ZFP64: variants seen among roughly 807,000 people sequenced by gnomAD.
ZFP64 encodes the protein zinc finger protein 64.
In ZFP64, 14 loss-of-function variants were observed where a neutral mutation model predicts 51.6. The ratio of observed to expected loss-of-function variants is 0.27; its 90% CI spans 0.18 to 0.42. The LOEUF is 0.42. Among genes scored for constraint, ZFP64 ranks in the 10% least tolerant of loss-of-function variants. The pLI is 1.00. For missense variants in ZFP64, 754 were observed against 906.8 expected (o/e 0.83, Z 2.16); for synonymous variants, 375 against 361.4 (o/e 1.04, Z -0.43).
intron 2 of ZFP64, chr20:52,176,145 T>TA (rs1272800000): frequency 1.1e-5 from 2 of 177,826 alleles, no homozygotes; most frequent in Non-Finnish European, 2.2e-5. Flanking sequence ...CGGCTGCCGT[T>TA]AAAGTCCCAA....
chr20:52,098,344 G>A, intron 6 of ZFP64: 2 of 1,533,804 alleles, frequency 1.3e-6, no homozygotes, highest in Non-Finnish European at 1.8e-6. Flanking sequence ...CAGCAAACAA[G>A]AGTAACATGA....
chr20:52,168,935 C>A (rs987050213), intron 2 of ZFP64, among the ~76,000 whole-genome samples: 9 of 152,198 alleles, frequency 5.9e-5, no homozygotes, highest in Admixed American at 5.9e-4. Context: ...ACATGCACAG[C>A]AAGGTAATGT....
chr20:52,099,005 CAAA>C (rs58670484), intron 5 of ZFP64, among the ~76,000 whole-genome samples: 6 of 116,632 alleles, frequency 5.1e-5, no homozygotes, highest in East Asian at 2.7e-4. Context: ...CTGTCTTTAC[CAAA>C]AAAAAAAAAA....
intron 5 of ZFP64, among the ~76,000 whole-genome samples, chr20:52,142,377 G>GACACACACACACACACGCACGC (rs749072185): frequency 8.4e-6 from 1 of 118,370 alleles, no homozygotes; most frequent in Non-Finnish European, 1.8e-5. Context: ...CACACACACA[G>GACACACACACACACACGCACGC]ACACACACAC....
chr20:52,109,735 C>T (rs571930203), intron 5 of ZFP64, among the ~76,000 whole-genome samples: 265 of 142,948 alleles, frequency 1.9e-3, no homozygotes, highest in African/African-American at 6.9e-3. Flanking sequence ...GAGCTGAGAT[C>T]GTGCCACTGT....
Position 52,165,996 on chromosome 20 carries a change from C to T in ZFP64, c.316G>A (p.Gly106Ser). The change falls in exon 3 of 6, where the codon GGC becomes AGC. Residue 106 changes from glycine to serine, a missense_variant. Physicochemically the swap from Gly to Ser is moderately conservative, Grantham distance 56 (BLOSUM62 0). Transcript: ENST00000216923. Reference protein sequence around the residue: ...VSAPEFVFEHGYQTYLPTESN... With the variant: ...VSAPEFVFEHSYQTYLPTESN... ...TCCGTGGGCAGGTAAGTTTGATAGC[C>T]ATGTTCAAAAACAAATTCTGGAGCT... 1 of 1,607,674 alleles carries T rather than the reference C, an allele frequency of 6.2e-7. No homozygotes were observed. Among genetic ancestry groups the T allele is most frequent in the Non-Finnish European group, 8.5e-7 (1 of 1,178,594 alleles).
chr20:52,152,505 C>T lies in ZFP64; in HGVS notation c.1687G>A (p.Ala563Thr), dbSNP rs758754357. 4 of 1,606,100 alleles carry T rather than the reference C, an allele frequency of 2.5e-6. No individual in the cohort carries two copies. The African/African-American group carries it at 4.0e-5, about 16-fold the overall frequency. Residue 563 changes from alanine to threonine, a missense_variant, in exon 6 of 6, where the codon GCA becomes ACA. By Grantham distance (58) the Ala-to-Thr change is moderately conservative. Transcript: ENST00000216923. ...QSSRCPSEAG[A>T]MTQPAVLLTT... ...AGCAGGACAGCCGGCTGGGTCATTG[C>T]GCCCGCCTCGCTCGGACACCGCGAG...
intron 3 of ZFP64, chr20:52,165,222 G>T (rs1033398465): frequency 6.6e-6 from 3 of 456,630 alleles, no homozygotes; most frequent in Non-Finnish European, 1.3e-5. Flanking sequence ...ACTAAGGTCA[G>T]TAGGTTAGAT....
intron 5 of ZFP64, among the ~76,000 whole-genome samples, chr20:52,133,795 G>A (rs1237687591): frequency 1.3e-5 from 2 of 152,072 alleles, no homozygotes; most frequent in African/African-American, 2.4e-5. Context: ...CACTCTGGCA[G>A]GCCGGGGTAG....
chr20:52,089,122 C>G (rs1047335080), intron 7 of ZFP64: 2 of 475,784 alleles, frequency 4.2e-6, no homozygotes, highest in South Asian at 3.1e-5. Context: ...CCAGGGACAG[C>G]AGAAGACCAC....
chr20:52,130,452 G>A (rs866992927), intron 5 of ZFP64, among the ~76,000 whole-genome samples: 19 of 152,124 alleles, frequency 1.2e-4, no homozygotes, highest in Middle Eastern at 3.4e-3. Flanking sequence ...AGCCTCAAGC[G>A]ATGCTCCTGC....
At chr20:52,105,502 AC>A in intron 5 of ZFP64, 1 of 437,920 alleles carries the variant, frequency 2.3e-6, no homozygotes, top group Non-Finnish European at 3.7e-6. Context: ...CTCGGGCTCT[AC>A]CCCAGACCCG....
Position 52,160,392 on chromosome 20 carries a change from C to T in ZFP64, c.512-18G>A. 1.9e-6 allele frequency: 3 copies of T among 1,585,132 alleles called. No homozygotes were observed. Among genetic ancestry groups the T allele is most frequent in the Non-Finnish European group, 2.6e-6 (3 of 1,163,838 alleles). ...TTTGTCTCCTTCAAACACATACACACACAGATGGCAGCAGGAAACAAGATT... is the reference window on the plus strand; with the variant it reads ...TTTGTCTCCTTCAAACACATACACATACAGATGGCAGCAGGAAACAAGATT... On this transcript the variant is annotated intron_variant, in intron 4 of 5. Coordinates refer to ENST00000216923, the MANE Select transcript of ZFP64 (RefSeq NM_018197.3). The surrounding 1 kb of genome is among the most constrained non-coding windows in gnomAD (Gnocchi z 4.2).
At chr20:52,106,658 G>C (rs1978320025) in intron 5 of ZFP64, among the ~76,000 whole-genome samples, 1 of 152,176 alleles carries the variant, frequency 6.6e-6, no homozygotes, top group Non-Finnish European at 1.5e-5. Flanking sequence ...TTCAGGTTGT[G>C]AATCGACTTG....
At chr20:52,113,896 G>A (rs922087425) in intron 5 of ZFP64, among the ~76,000 whole-genome samples, 1 of 152,122 alleles carries the variant, frequency 6.6e-6, no homozygotes, top group African/African-American at 2.4e-5. Flanking sequence ...TCAAAATACT[G>A]TGGTAGTGTG....
intron 5 of ZFP64, among the ~76,000 whole-genome samples, chr20:52,122,468 T>G (rs1275564541): frequency 7.1e-6 from 1 of 140,482 alleles, no homozygotes; most frequent in Non-Finnish European, 1.5e-5. Flanking sequence ...ATGGCTCCAC[T>G]GCACTCCAGC....
chr20:52,089,243 G>A (rs1029333829), intron 7 of ZFP64, among the ~76,000 whole-genome samples: 1 of 152,054 alleles, frequency 6.6e-6, no homozygotes, highest in African/African-American at 2.4e-5. Flanking sequence ...AAATGCTTGG[G>A]GAAAGCCAGA....
At chr20:52,103,208 G>A (rs1277801208) in intron 5 of ZFP64, among the ~76,000 whole-genome samples, 1 of 152,164 alleles carries the variant, frequency 6.6e-6, no homozygotes, top group Non-Finnish European at 1.5e-5. Context: ...AACGGATGAT[G>A]TTCCCTCAGT....
chr20:52,184,526 G>A (rs1449958799), intron 2 of ZFP64, among the ~76,000 whole-genome samples: 3 of 152,132 alleles, frequency 2.0e-5, no homozygotes, highest in Non-Finnish European at 4.4e-5. Flanking sequence ...TACTTACCTT[G>A]AGAATCTTTC....
Sources: gnomAD v4.1 joint callset for allele counts (sites outside exome capture counted in the v4.1 genomes callset) on GRCh38, gnomAD v4.1.1 for gene constraint, Gnocchi (gnomAD v3.1) non-coding constraint, MANE v1.5 for transcripts, NCBI Gene and HGNC (gene_info 2026-07-23, HGNC 2026-07-21) for gene names.